ANKFN1: variants seen among roughly 807,000 people sequenced by gnomAD.
ANKFN1 encodes the protein ankyrin repeat and fibronectin type III domain containing 1.
ANKFN1 carries 74 observed loss-of-function variants against 108.7 expected under a neutral mutation model. That is an observed-to-expected ratio of 0.68 (90% CI 0.56 to 0.83). The LOEUF (loss-of-function observed/expected upper bound fraction) is 0.83, where lower values mean the gene tolerates loss of function less well. ANKFN1 is among the 40% of genes least tolerant of loss of function. ANKFN1 has a pLI of 0.00. For missense variants in ANKFN1, 1,505 were observed against 1,382.3 expected, an observed-to-expected ratio of 1.09 and a Z score of -1.41; for synonymous variants, 547 against 516.2, an observed-to-expected ratio of 1.06 and a Z score of -0.81.
chr17:56,269,751 C>T (rs1389078095), intron 3 of ANKFN1, among the ~76,000 whole-genome samples: 4 of 152,122 alleles, frequency 2.6e-5, no homozygotes, highest in Admixed American at 1.3e-4. Context: ...AACAGAATGC[C>T]ACATACATCA....
At chr17:56,410,091 T>G (rs2048042621) in intron 8 of ANKFN1, among the ~76,000 whole-genome samples, 2 of 152,184 alleles carry the variant, frequency 1.3e-5, no homozygotes, top group Non-Finnish European at 2.9e-5. Context: ...AATTTTATAT[T>G]GTTGTATTTT....
intron 4 of ANKFN1, among the ~76,000 whole-genome samples, chr17:56,341,997 T>G (rs752962642): frequency 6.6e-6 from 1 of 152,042 alleles, no homozygotes; most frequent in Non-Finnish European, 1.5e-5. Context: ...ATTATTGGCC[T>G]CTTCAGGGAT....
intron 1 of ANKFN1, among the ~76,000 whole-genome samples, chr17:56,188,030 T>C (rs1298478397): frequency 6.6e-6 from 1 of 152,126 alleles, no homozygotes; most frequent in Non-Finnish European, 1.5e-5. Context: ...TGTATACATA[T>C]GTAACAAACC....
chr17:56,451,881 A>C (rs2145210714), intron 11 of ANKFN1, among the ~76,000 whole-genome samples: 1 of 152,324 alleles, frequency 6.6e-6, no homozygotes. Context: ...ACATATTCCA[A>C]ATATGGGAGT....
Position 56,440,388 on chromosome 17 carries a change from G to A in ANKFN1, c.972G>A (p.Leu324=), listed in dbSNP as rs748696589. 1 of 1,612,310 alleles carries A rather than the reference G, an allele frequency of 6.2e-7. No homozygotes were observed. The highest frequency in any genetic ancestry group is 1.3e-5 in the African/African-American group (1 of 74,846). ...CTGGAGAAATCATCATGGATAATCT[G>A]CAGACTCTGAGATGCACAATCACAG... ...PLAGEIIMDN[L]QTLRCTITGL... The change falls in exon 9 of 21, where the codon CTG becomes CTA. Residue 324 remains leucine (L), a synonymous_variant. Coordinates refer to ENST00000682825, the MANE Select transcript of ANKFN1 (RefSeq NM_001370326.1).
chr17:56,328,765 C>T (rs1439849678), intron 4 of ANKFN1, among the ~76,000 whole-genome samples: 2 of 104,894 alleles, frequency 1.9e-5, no homozygotes, highest in Admixed American at 2.3e-4. Context: ...ACTTCTCTGC[C>T]TATGTTCCTT....
intron 4 of ANKFN1, among the ~76,000 whole-genome samples, chr17:56,086,199 G>A (rs981761802): frequency 6.6e-6 from 1 of 150,862 alleles, no homozygotes; most frequent in Non-Finnish European, 1.5e-5. Context: ...TTGAGGTCAG[G>A]AGTTCAAGAC....
At chr17:56,295,279 T>G (rs1033660108) in intron 3 of ANKFN1, among the ~76,000 whole-genome samples, 1 of 152,218 alleles carries the variant, frequency 6.6e-6, no homozygotes, top group African/African-American at 2.4e-5. Flanking sequence ...CAATGCAGTA[T>G]GAATTCAAGG....
At chr17:56,158,388 C>T (rs1909312713) in intron 1 of ANKFN1, among the ~76,000 whole-genome samples, 1 of 152,178 alleles carries the variant, frequency 6.6e-6, no homozygotes, top group South Asian at 2.1e-4. Flanking sequence ...GATTCCCTTC[C>T]ATTTGCCTTC....
Position 56,113,966 on chromosome 17 carries a change from A to T in ANKFN1, c.288+67641A>T, listed in dbSNP as rs964118193. ...GCAAACTAATTGGACGTCAGAACAG[A>T]AGAGGATCTTAGAGGCCATGGAATA... On this transcript the variant is annotated intron_variant, in intron 4 of 12. Transcript: ENST00000635860. Among the ~76,000 whole-genome samples, 3 of 152,142 alleles carry T rather than the reference A, an allele frequency of 2.0e-5. No individual in the cohort carries two copies. The East Asian group carries it at 5.8e-4, about 29-fold the overall frequency.
At chr17:56,082,282 GTTTTGTTTTTGTTTTTGT>G (rs71137193) in intron 4 of ANKFN1, among the ~76,000 whole-genome samples, 29 of 150,614 alleles carry the variant, frequency 1.9e-4, no homozygotes, top group East Asian at 7.9e-4. Flanking sequence ...TTGTTGTTTT[GTTTTGTTTTTGTTTTTGT>G]TTTTGTTTTT....
chr17:56,119,218 AC>A (rs1468049467), intron 4 of ANKFN1, among the ~76,000 whole-genome samples: 2 of 152,058 alleles, frequency 1.3e-5, no homozygotes, highest in Non-Finnish European at 2.9e-5. Context: ...ATGTGATAAG[AC>A]CTTCTAGGAC....
At chr17:56,236,434 T>C (rs553594989) in intron 3 of ANKFN1, among the ~76,000 whole-genome samples, 19 of 147,296 alleles carry the variant, frequency 1.3e-4, no homozygotes, top group Non-Finnish European at 2.8e-4. Flanking sequence ...TTCCTAGATA[T>C]TTTATTCTTT....
At chr17:56,315,415 G>A (rs749933393) in intron 3 of ANKFN1, among the ~76,000 whole-genome samples, 13 of 152,202 alleles carry the variant, frequency 8.5e-5, no homozygotes, top group Admixed American at 2.6e-4. Flanking sequence ...TGACAAATGC[G>A]TGAAACACTG....
At chr17:56,105,560 CCTCT>C (rs373192912) in intron 4 of ANKFN1, among the ~76,000 whole-genome samples, 143 of 151,784 alleles carry the variant, frequency 9.4e-4, no homozygotes, top group Non-Finnish European at 1.1e-3. Flanking sequence ...GACTTCCTTT[CCTCT>C]CTCTATTTCT....
intron 4 of ANKFN1, among the ~76,000 whole-genome samples, chr17:56,055,057 T>C (rs1330298499): frequency 7.3e-6 from 1 of 136,966 alleles, no homozygotes; most frequent in East Asian, 2.0e-4. Flanking sequence ...GGCAATTTCC[T>C]TTTTTTTTTT....
At chr17:56,301,912 A>T (rs2044681076) in intron 3 of ANKFN1, among the ~76,000 whole-genome samples, 1 of 152,218 alleles carries the variant, frequency 6.6e-6, no homozygotes, top group Admixed American at 6.5e-5. Flanking sequence ...GTTTTACATG[A>T]TTAAGATGTT....
intron 4 of ANKFN1, among the ~76,000 whole-genome samples, chr17:56,121,525 C>A (rs1906620040): frequency 1.3e-5 from 2 of 151,704 alleles, no homozygotes; most frequent in Non-Finnish European, 2.9e-5. Flanking sequence ...TATACGGGGA[C>A]TTTTGCTCTC....
At chr17:56,466,208 C>A (rs2050067107) in intron 14 of ANKFN1, 148 bp from the exon 15 acceptor site, 2 of 664,484 alleles carry the variant, frequency 3.0e-6, no homozygotes, top group East Asian at 5.5e-5. Context: ...TCTATGATGC[C>A]ATATATTCTA....
Sources: allele counts gnomAD v4.1 joint callset (sites outside exome capture counted in the v4.1 genomes callset), GRCh38; gene constraint gnomAD v4.1.1; transcripts MANE v1.5; gene names NCBI Gene and HGNC (gene_info 2026-07-23, HGNC 2026-07-21).